RASGRP3: variants seen among roughly 807,000 people sequenced by gnomAD.
RASGRP3 encodes RAS guanyl releasing protein 3.
In RASGRP3, 54 loss-of-function variants were observed where a neutral mutation model predicts 82.7. The ratio of observed to expected loss-of-function variants is 0.65; its 90% CI spans 0.52 to 0.82. The LOEUF (loss-of-function observed/expected upper bound fraction) is 0.82, where lower values mean the gene tolerates loss of function less well. Among genes scored for constraint, RASGRP3 ranks in the 40% least tolerant of loss-of-function variants. RASGRP3 has a pLI of 0.00. For synonymous variants in RASGRP3, 309 were observed against 300.5 expected (o/e 1.03, Z -0.29); for missense variants, 861 against 828.9 (o/e 1.04, Z -0.48).
intron 15 of RASGRP3, 81 bp from the exon 16 acceptor site, chr2:33,558,130 G>T: frequency 1.3e-6 from 2 of 1,529,328 alleles, no homozygotes. Context: ...GGAGGGGAGG[G>T]CTGACAAATC....
intron 13 of RASGRP3, among the ~76,000 whole-genome samples, chr2:33,547,523 C>A (rs1238721836): frequency 5.3e-5 from 8 of 151,704 alleles, no homozygotes; most frequent in Admixed American, 3.9e-4. Flanking sequence ...GCAGGGAGTA[C>A]AGGGAAGAAA....
intron 2 of RASGRP3, among the ~76,000 whole-genome samples, chr2:33,469,564 A>G (rs1666933924): frequency 1.3e-5 from 2 of 151,236 alleles, no homozygotes; most frequent in African/African-American, 2.4e-5. Flanking sequence ...GGCTCAAGTG[A>G]TTCTCCTGCC....
intron 10 of RASGRP3, chr2:33,533,021 T>C (rs1673253863): frequency 6.6e-6 from 1 of 152,188 alleles, no homozygotes; most frequent in African/African-American, 2.4e-5. Flanking sequence ...ACACTCCACC[T>C]CATACACATG....
intron 8 of RASGRP3, 136 bp from the exon 9 acceptor site, chr2:33,524,296 T>G: frequency 1.4e-6 from 1 of 722,760 alleles, no homozygotes; most frequent in Non-Finnish European, 2.3e-6. Context: ...CTGATTCTAT[T>G]TGTGCTTCAT....
At chr2:33,447,486 A>C (rs1366724795) in intron 1 of RASGRP3, among the ~76,000 whole-genome samples, 1 of 150,788 alleles carries the variant, frequency 6.6e-6, no homozygotes, top group Admixed American at 6.6e-5. Flanking sequence ...CCCAGGCTGG[A>C]GTGCAGTGGT....
chr2:33,438,048 A>C (rs1463689787), intron 1 of RASGRP3, among the ~76,000 whole-genome samples: 1 of 152,198 alleles, frequency 6.6e-6, no homozygotes, highest in Non-Finnish European at 1.5e-5. Context: ...AGCAATTCTG[A>C]TTTCTGATCA....
intron 1 of RASGRP3, among the ~76,000 whole-genome samples, chr2:33,437,090 G>GT (rs1664966948): frequency 6.6e-6 from 1 of 151,930 alleles, no homozygotes; most frequent in Non-Finnish European, 1.5e-5. Context: ...TTTAATACAG[G>GT]TTTTTTGTCT....
At chr2:33,528,691 T>C (rs1165157059) in intron 10 of RASGRP3, among the ~76,000 whole-genome samples, 2 of 152,184 alleles carry the variant, frequency 1.3e-5, no homozygotes, top group Non-Finnish European at 2.9e-5. Context: ...TCCTAGACCA[T>C]GTAATTGTTT....
At position 33,529,392 on chromosome 2, in the gene RASGRP3, G is replaced by C. The variant is rs566001166; in HGVS notation, c.1083+1980G>C. Among the ~76,000 whole-genome samples the C allele has an allele frequency of 5.5e-4, 82 of 150,314 alleles. No individual in the cohort carries two copies. The South Asian group carries it at 0.017, about 31-fold the overall frequency. On this transcript the variant is annotated intron_variant, in intron 10 of 17. Coordinates refer to ENST00000403687, the MANE Select transcript of RASGRP3 (RefSeq NM_001139488.2). ...TGCCTGTAGTCCCAGCTATTTGGGA[G>C]GCTGAGGCAGAAGAATGGCGTGAAT... is the stretch of plus-strand genomic sequence containing the variant.
intron 2 of RASGRP3, among the ~76,000 whole-genome samples, chr2:33,512,186 G>C (rs1285170664): frequency 1.3e-5 from 2 of 152,184 alleles, no homozygotes; most frequent in Non-Finnish European, 2.9e-5. Flanking sequence ...CGGCCCACCT[G>C]GCCCGTCGTG....
At chr2:33,557,581 G>T (rs1301116429) in intron 15 of RASGRP3, among the ~76,000 whole-genome samples, 1 of 152,000 alleles carries the variant, frequency 6.6e-6, no homozygotes, top group African/African-American at 2.4e-5. Flanking sequence ...GTGGTGGCGG[G>T]CACCTGTAGT....
intron 10 of RASGRP3, 81 bp downstream of exon 10, chr2:33,527,493 G>T: frequency 7.1e-7 from 1 of 1,402,692 alleles, no homozygotes; most frequent in East Asian, 2.4e-5. Flanking sequence ...ATGTGTGCCA[G>T]CAATTCATTC....
At chr2:33,440,887 C>G (rs1665188095) in intron 1 of RASGRP3, among the ~76,000 whole-genome samples, 1 of 151,366 alleles carries the variant, frequency 6.6e-6, no homozygotes, top group Non-Finnish European at 1.5e-5. Flanking sequence ...GATCTCCAAA[C>G]TTGTTTTTTT....
chr2:33,545,636 C>G (rs530431221), intron 13 of RASGRP3, among the ~76,000 whole-genome samples: 1 of 152,198 alleles, frequency 6.6e-6, no homozygotes, highest in Non-Finnish European at 1.5e-5. Context: ...AATCTGTGCC[C>G]ATTCCTTTGA....
At chr2:33,478,626 TAAAAA>T (rs1291860178) in intron 1 of RASGRP3, among the ~76,000 whole-genome samples, 2 of 152,172 alleles carry the variant, frequency 1.3e-5, no homozygotes, top group African/African-American at 4.8e-5. Context: ...AGCAAAATAA[TAAAAA>T]ATAATGATTT....
intron 1 of RASGRP3, among the ~76,000 whole-genome samples, chr2:33,439,578 T>G (rs1387799685): frequency 6.6e-6 from 1 of 152,244 alleles, no homozygotes; most frequent in Non-Finnish European, 1.5e-5. Flanking sequence ...TGAGACTTAG[T>G]GCATGGGACC....
Position 33,522,041 on chromosome 2 carries a change from A to C in RASGRP3, c.455A>C (p.Glu152Ala). ...GKACLLFDHL[E>A]PIELAEHLTF... ...GCCTGTCTGCTGTTTGACCATCTGG[A>C]GCCCATTGAATTGGCTGAGCACCTC... Residue 152 changes from glutamate to alanine, a missense_variant, in exon 7 of 18, where the codon GAG (glutamate) becomes GCG (alanine). By Grantham distance (107) the Glu-to-Ala change is moderately radical (BLOSUM62 -1). Transcript: ENST00000403687. 6.2e-7 allele frequency: 1 copy of C among 1,613,924 alleles called. No individual in the cohort carries two copies. Among genetic ancestry groups the C allele is most frequent in the Non-Finnish European group, 8.5e-7 (1 of 1,179,836 alleles).
In RASGRP3 at chr2:33,514,914, C is replaced by T. The variant is rs191657331; in HGVS notation, c.-127-96C>T. On this transcript the variant is annotated intron_variant, in intron 2 of 17. Coordinates refer to ENST00000403687, the MANE Select transcript of RASGRP3 (RefSeq NM_001139488.2). ...TACTTTTCTTGTACAAAGATACAGT[C>T]TATGGAAGTCATTATCTTTTCAGGT... is the stretch of plus-strand genomic sequence containing the variant. The T allele has an allele frequency of 6.6e-4, 367 of 559,158 alleles. 2 individuals are homozygous for T. Among genetic ancestry groups the T allele is most frequent in the Admixed American group, 2.3e-3 (75 of 32,664 alleles). 34.6% of individuals were successfully genotyped at this position (559,158 alleles called of 1,614,324 possible).
At chr2:33,458,006 A>G (rs898103806) in intron 2 of RASGRP3, 2 of 152,142 alleles carry the variant, frequency 1.3e-5, no homozygotes, top group Non-Finnish European at 2.9e-5. Flanking sequence ...CTGAGGAGCT[A>G]TTTATAGCAG....
Sources: gnomAD v4.1 joint callset for allele counts (sites outside exome capture counted in the v4.1 genomes callset) on GRCh38, gnomAD v4.1.1 for gene constraint, MANE v1.5 for transcripts, NCBI Gene and HGNC (gene_info 2026-07-23, HGNC 2026-07-21) for gene names.